The following NUP210 variants were observed in gnomAD, a reference collection of about 807,000 sequenced individuals.
NUP210 encodes nucleoporin 210.
Under a neutral mutation model 196.0 loss-of-function variants are expected in NUP210, and 151 were observed. The observed-to-expected ratio is 0.77, with a 90% confidence interval of 0.67 to 0.88. The LOEUF is 0.88. Among genes scored for constraint, NUP210 ranks in the 40% least tolerant of loss-of-function variants. NUP210 has a pLI of 0.00. For missense variants in NUP210, 2,314 were observed against 2,493.7 expected (o/e 0.93, Z 1.53); for synonymous variants, 1,070 against 1,052.7 (o/e 1.02, Z -0.32).
At chr3:13,400,995 T>C (rs542478587) in intron 1 of NUP210, among the ~76,000 whole-genome samples, 4 of 152,048 alleles carry the variant, frequency 2.6e-5, no homozygotes, top group Non-Finnish European at 4.4e-5. Context: ...CAGTGGCTCA[T>C]GCCTGTAATC....
chr3:13,380,931 A>G (rs1699079011), intron 6 of NUP210, among the ~76,000 whole-genome samples: 1 of 152,246 alleles, frequency 6.6e-6, no homozygotes. Flanking sequence ...TCCCTGAACC[A>G]TCAACATCAC....
At chr3:13,409,834 A>T (rs1184429660) in intron 1 of NUP210, among the ~76,000 whole-genome samples, 1 of 119,934 alleles carries the variant, frequency 8.3e-6, no homozygotes, top group African/African-American at 4.0e-5. Context: ...TGTATCCTGA[A>T]TACTAATTTT....
rs1425228418 is a variant in NUP210 at position 13,319,170 on chromosome 3, G to C, written c.5480-15C>G. On this transcript the variant is annotated splice_polypyrimidine_tract_variant and intron_variant, in intron 38 of 39. Coordinates refer to ENST00000254508, the MANE Select transcript of NUP210 (RefSeq NM_024923.4). Reference sequence around the variant, plus strand: ...AGTGTGGTAGGCTGCAAGAGCACAGGGTTGGTTAGAGCAGGTCGGGGCAGG... The same window carrying C: ...AGTGTGGTAGGCTGCAAGAGCACAGCGTTGGTTAGAGCAGGTCGGGGCAGG... 6.2e-7 allele frequency: 1 copy of C among 1,611,872 alleles called. No individual in the cohort carries two copies. The highest frequency in any genetic ancestry group is 8.5e-7 in the Non-Finnish European group (1 of 1,179,162).
intron 33 of NUP210, among the ~76,000 whole-genome samples, chr3:13,324,209 A>AT (rs1553592319): frequency 6.6e-6 from 1 of 151,050 alleles, no homozygotes; most frequent in Non-Finnish European, 1.5e-5. Flanking sequence ...CTAGCCTGGG[A>AT]CCCCCCAACG....
intron 14 of NUP210, among the ~76,000 whole-genome samples, chr3:13,364,533 A>G (rs1698467104): frequency 6.6e-6 from 1 of 152,192 alleles, no homozygotes; most frequent in Admixed American, 6.5e-5. Flanking sequence ...TTCAGAGATA[A>G]AAGATCCTAA....
intron 30 of NUP210, among the ~76,000 whole-genome samples, chr3:13,329,408 C>T (rs1259407669): frequency 1.3e-5 from 2 of 152,186 alleles, no homozygotes; most frequent in African/African-American, 2.4e-5. Context: ...CCCAAGAACC[C>T]GAGCTCCATA....
At chr3:13,336,970 GC>G in intron 26 of NUP210, 52 bp from the exon 27 acceptor site, 1 of 1,605,870 alleles carries the variant, frequency 6.2e-7, no homozygotes, top group Non-Finnish European at 8.5e-7. Context: ...CACTGGGAAT[GC>G]CCCCAGAAGC....
chr3:13,420,195 A>G lies in NUP210; in HGVS notation c.32T>C (p.Leu11Pro). 4.1e-6 allele frequency: 5 copies of G among 1,207,860 alleles called. No homozygotes were observed. The highest frequency in any genetic ancestry group is 2.4e-4 in the Middle Eastern group (1 of 4,220). The allele number at this position is 1,207,860 out of a possible 1,614,324, so 74.8% of individuals were successfully genotyped here. Residue 11 changes from leucine to proline, a missense_variant, in exon 1 of 40, where the codon CTG becomes CCG. Transcript: ENST00000254508. The surrounding 1 kb of genome is among the most constrained non-coding windows in gnomAD (Gnocchi z 4.8). MAARGRGLLL[L>P]TLSVLLAAGP... ...CGCCGCCAACAGCACCGACAGCGTC[A>G]GCAGCAGCAGCCCCCGGCCCCGCGC...
Position 13,396,153 on chromosome 3 carries a change from T to A in NUP210, c.436+1204A>T, listed in dbSNP as rs535879654. 3.3e-5 allele frequency among the ~76,000 whole-genome samples: 5 copies of A among 152,312 alleles called. No homozygotes were observed. In the South Asian group the frequency reaches 8.3e-4, roughly 25 times the overall value. On this transcript the variant is annotated intron_variant, in intron 3 of 39. Transcript: ENST00000254508. The stretch of plus-strand genomic sequence containing the variant: ...GCCATGTCTGGGCCATTTTTGATTG[T>A]CATGGCTTGGGAGACACTACTAACA...
intron 3 of NUP210, among the ~76,000 whole-genome samples, chr3:13,392,980 G>A (rs1467197322): frequency 1.3e-5 from 2 of 152,192 alleles, no homozygotes; most frequent in Non-Finnish European, 2.9e-5. Context: ...GGGGAGCATG[G>A]AGTCCCTATA....
intron 15 of NUP210, among the ~76,000 whole-genome samples, chr3:13,359,082 T>A (rs1226767392): frequency 6.6e-6 from 1 of 152,150 alleles, no homozygotes; most frequent in East Asian, 1.9e-4. Flanking sequence ...TAACATGCAC[T>A]TGATGGAGGA....
In NUP210 at chr3:13,319,209, A is replaced by G. The variant is rs1363701636; in HGVS notation, c.5479+21T>C. On this transcript the variant is annotated intron_variant, in intron 38 of 39. Coordinates refer to ENST00000254508, the MANE Select transcript of NUP210 (RefSeq NM_024923.4). ...GGTCGGGGCAGGGGAACAGACCCAG[A>G]GATACAGGCAGCCTCCTCACCTATG... is the stretch of plus-strand genomic sequence containing the variant. 1.9e-6 allele frequency: 3 copies of G among 1,611,926 alleles called. No individual in the cohort carries two copies. In the Admixed American group the frequency reaches 5.0e-5, roughly 27 times the overall value.
In NUP210 at chr3:13,317,776, C is replaced by A. The variant is rs766905662; in HGVS notation, c.5569G>T (p.Ala1857Ser). ...TTGGGAGATGTGGGTGATGAGGCAGCGAAATCTAGGGTGGGAAGAGAGACG... is the reference window on the plus strand; with the variant it reads ...TTGGGAGATGTGGGTGATGAGGCAGAGAAATCTAGGGTGGGAAGAGAGACG... ...ASPGHSPHYF[A>S]ASSPTSPNAL... Residue 1857 changes from alanine to serine, a missense_variant, in exon 40 of 40, where the codon GCT becomes TCT. By Grantham distance (99) the Ala-to-Ser change is moderately conservative. Transcript: ENST00000254508. The A allele has an allele frequency of 6.2e-7, 1 of 1,606,738 alleles. No homozygotes were observed. Among genetic ancestry groups the A allele is most frequent in the Admixed American group, 1.7e-5 (1 of 59,258 alleles).
At chr3:13,322,482 C>T (rs1350706625) in intron 34 of NUP210, 143 bp from the exon 35 acceptor site, 4 of 812,094 alleles carry the variant, frequency 4.9e-6, no homozygotes, top group Middle Eastern at 3.6e-4. Context: ...CGGCTCAAAG[C>T]TTTGAGATGC....
chr3:13,416,377 G>T (rs896394458), intron 1 of NUP210, among the ~76,000 whole-genome samples: 1 of 152,180 alleles, frequency 6.6e-6, no homozygotes. Flanking sequence ...ATTCAAAACA[G>T]AGTGTCTCCG....
At chr3:13,380,929 C>T (rs1699078919) in intron 6 of NUP210, among the ~76,000 whole-genome samples, 1 of 152,212 alleles carries the variant, frequency 6.6e-6, no homozygotes, top group Non-Finnish European at 1.5e-5. Flanking sequence ...GGTCCCTGAA[C>T]CATCAACATC....
At chr3:13,338,560 T>A (rs1234978005) in intron 25 of NUP210, among the ~76,000 whole-genome samples, 1 of 152,192 alleles carries the variant, frequency 6.6e-6, no homozygotes, top group African/African-American at 2.4e-5. Flanking sequence ...AAAGCACCCA[T>A]TCCCCTCCTT....
intron 1 of NUP210, among the ~76,000 whole-genome samples, chr3:13,401,830 C>A (rs1360947165): frequency 6.6e-6 from 1 of 151,912 alleles, no homozygotes; most frequent in Non-Finnish European, 1.5e-5. Flanking sequence ...TAGATTCGAT[C>A]TGGGGGCAGA....
At position 13,358,204 on chromosome 3, in the gene NUP210, A is replaced by G. The variant is rs761106405; in HGVS notation, c.2328+18T>C. ...CGGGTGGCACCCTCACCTCCTCCCG[A>G]GCATAGCCCACACTCACCACCTGCT... On this transcript the variant is annotated intron_variant, in intron 16 of 39. Transcript: ENST00000254508. 5 of 1,582,796 alleles carry G rather than the reference A, an allele frequency of 3.2e-6. No individual in the cohort carries two copies. Among genetic ancestry groups the G allele is most frequent in the Admixed American group, 1.7e-5 (1 of 58,162 alleles).
Sources: gnomAD v4.1 joint callset for allele counts (sites outside exome capture counted in the v4.1 genomes callset) on GRCh38, gnomAD v4.1.1 for gene constraint, Gnocchi (gnomAD v3.1) non-coding constraint, MANE v1.5 for transcripts, NCBI Gene and HGNC (gene_info 2026-07-23, HGNC 2026-07-21) for gene names.